Variants in SUSD1 observed in about 807,000 individuals in gnomAD.
SUSD1 encodes sushi domain-containing protein 1.
In SUSD1, 65 loss-of-function variants were observed where a neutral mutation model predicts 86.9. The observed-to-expected ratio is 0.75, with a 90% confidence interval of 0.61 to 0.92. The LOEUF is 0.92. SUSD1 is among the 40% of genes least tolerant of loss of function. The probability of loss-of-function intolerance (pLI) is 0.00; values close to 1 mark genes in which losing one functional copy is unlikely to be tolerated. For synonymous variants in SUSD1, 346 were observed against 350.0 expected (o/e 0.99, Z 0.13); for missense variants, 850 against 929.7 (o/e 0.91, Z 1.11).
chr9:112,123,005 T>A (rs1831615146), intron 6 of SUSD1, among the ~76,000 whole-genome samples: 1 of 152,176 alleles, frequency 6.6e-6, no homozygotes, highest in Non-Finnish European at 1.5e-5. Context: ...AGTTTCAGTT[T>A]TGCAAGATGA....
At chr9:112,110,405 T>C (rs1831040421) in intron 8 of SUSD1, among the ~76,000 whole-genome samples, 2 of 151,918 alleles carry the variant, frequency 1.3e-5, no homozygotes, top group Admixed American at 6.5e-5. Flanking sequence ...GGGTTTTTTG[T>C]TTGTTTTCTG....
At chr9:112,095,053 G>A (rs966559388) in intron 10 of SUSD1, among the ~76,000 whole-genome samples, 5 of 152,276 alleles carry the variant, frequency 3.3e-5, no homozygotes, top group Middle Eastern at 3.4e-3. Flanking sequence ...GGTTTAGGCC[G>A]AACTGAATAG....
chr9:112,161,768 G>A (rs1432985795), intron 1 of SUSD1, among the ~76,000 whole-genome samples: 1 of 148,902 alleles, frequency 6.7e-6, no homozygotes, highest in Non-Finnish European at 1.5e-5. Flanking sequence ...GTTGCAGTGA[G>A]CTGAGATTGT....
intron 10 of SUSD1, among the ~76,000 whole-genome samples, chr9:112,085,767 A>G (rs1829949327): frequency 6.6e-6 from 1 of 152,206 alleles, no homozygotes; most frequent in Non-Finnish European, 1.5e-5. Context: ...ATTACCGATC[A>G]GAGTTCCAAT....
chr9:112,165,910 G>GAA, intron 1 of SUSD1, among the ~76,000 whole-genome samples: 1 of 55,378 alleles, frequency 1.8e-5, no homozygotes, highest in East Asian at 4.6e-4. Flanking sequence ...AGGAAGGAAG[G>GAA]AAGGAAGAAA....
In SUSD1 at chr9:112,080,179, G is replaced by T. The variant is rs1274689774; in HGVS notation, c.1475-14C>A. 3 of 1,577,978 alleles carry T rather than the reference G, an allele frequency of 1.9e-6. No homozygotes were observed. The highest frequency in any genetic ancestry group is 3.3e-5 in the Admixed American group (2 of 59,802). ...TGGTCTGTTTTACTGTAGTGGAAAA[G>T]AAATGAGAAATCAATTTACACTCTA... On this transcript the variant is annotated splice_polypyrimidine_tract_variant and intron_variant, in intron 10 of 16. Coordinates refer to ENST00000374270, the MANE Select transcript of SUSD1 (RefSeq NM_022486.5).
intron 5 of SUSD1, among the ~76,000 whole-genome samples, chr9:112,141,362 T>C (rs908307535): frequency 6.6e-6 from 1 of 152,180 alleles, no homozygotes; most frequent in South Asian, 2.1e-4. Flanking sequence ...CACAGTGCCA[T>C]ATGAGTAGAC....
At chr9:112,132,436 A>G (rs992781296) in intron 5 of SUSD1, among the ~76,000 whole-genome samples, 2 of 152,218 alleles carry the variant, frequency 1.3e-5, no homozygotes, top group African/African-American at 4.8e-5. Flanking sequence ...AGTGCTAAAA[A>G]CTGAAGAAAA....
intron 1 of SUSD1, among the ~76,000 whole-genome samples, chr9:112,171,328 G>T (rs958907653): frequency 1.3e-5 from 2 of 152,004 alleles, no homozygotes; most frequent in African/African-American, 2.4e-5. Context: ...AAGTGATGAT[G>T]GCTGACTCCC....
intron 1 of SUSD1, among the ~76,000 whole-genome samples, chr9:112,165,942 G>GAAGAAAGAAAGAAAGGAAGA (rs369416007): frequency 1.1e-3 from 81 of 71,952 alleles, no homozygotes; most frequent in African/African-American, 4.3e-3. Flanking sequence ...AAGAAAGAAA[G>GAAGAAAGAAAGAAAGGAAGA]AAGAAAGAAA....
At chr9:112,143,846 G>A (rs1259218565) in intron 3 of SUSD1, among the ~76,000 whole-genome samples, 1 of 152,134 alleles carries the variant, frequency 6.6e-6, no homozygotes, top group Non-Finnish European at 1.5e-5. Flanking sequence ...CTCAATAAAT[G>A]TTTGTCAGTG....
intron 6 of SUSD1, among the ~76,000 whole-genome samples, chr9:112,121,047 G>A (rs1831534322): frequency 6.6e-6 from 1 of 152,214 alleles, no homozygotes; most frequent in South Asian, 2.1e-4. Flanking sequence ...ATAGGTTGGA[G>A]TGACCATCAG....
At chr9:112,137,007 G>A (rs1431615511) in intron 5 of SUSD1, among the ~76,000 whole-genome samples, 6 of 152,116 alleles carry the variant, frequency 3.9e-5, no homozygotes, top group Non-Finnish European at 7.3e-5. Flanking sequence ...CACACTGACT[G>A]GGGCTGCCTT....
intron 9 of SUSD1, among the ~76,000 whole-genome samples, chr9:112,099,082 T>C (rs1036063228): frequency 2.6e-5 from 4 of 151,340 alleles, no homozygotes; most frequent in Non-Finnish European, 5.9e-5. Flanking sequence ...CAGGGTCTTG[T>C]TCTGTCACCC....
At chr9:112,172,928 A>T (rs1564363784) in intron 1 of SUSD1, among the ~76,000 whole-genome samples, 1 of 152,174 alleles carries the variant, frequency 6.6e-6, no homozygotes, top group Non-Finnish European at 1.5e-5. Context: ...ATGAAGGGAG[A>T]ATGTCTAGAT....
At chr9:112,116,982 A>T (rs1831352823) in intron 6 of SUSD1, among the ~76,000 whole-genome samples, 1 of 152,132 alleles carries the variant, frequency 6.6e-6, no homozygotes, top group African/African-American at 2.4e-5. Flanking sequence ...TCTACTAAAA[A>T]TAGAGAAATT....
chr9:112,081,491 C>T (rs1829766141), intron 10 of SUSD1, among the ~76,000 whole-genome samples: 1 of 152,168 alleles, frequency 6.6e-6, no homozygotes, highest in African/African-American at 2.4e-5. Context: ...TTAATGCAGA[C>T]CCACAGCTGG....
intron 2 of SUSD1, among the ~76,000 whole-genome samples, chr9:112,156,331 A>G (rs185965111): frequency 0.018 from 2,765 of 151,976 alleles, 37 homozygotes; most frequent in Non-Finnish European, 0.029. Flanking sequence ...GCATGGTGGC[A>G]CATACCTGTA....
rs146060735 is a variant in SUSD1, at chr9:112,067,810, C to A, written c.1754-4777G>T. On this transcript the variant is annotated intron_variant, in intron 12 of 16. Coordinates refer to ENST00000374270, the MANE Select transcript of SUSD1 (RefSeq NM_022486.5). Reference sequence around the variant, plus strand: ...AAAACATATGTATGAATGCCTCCCCCCCAATCCCCCCACCCTAGCCCTAAA... The same window carrying A: ...AAAACATATGTATGAATGCCTCCCCACCAATCCCCCCACCCTAGCCCTAAA... 1.1e-4 allele frequency among the ~76,000 whole-genome samples: 17 copies of A among 152,158 alleles called. No individual in the cohort carries two copies. The South Asian group carries it at 1.5e-3, about 13-fold the overall frequency.
Sources: gnomAD v4.1 joint callset for allele counts (sites outside exome capture counted in the v4.1 genomes callset) on GRCh38, gnomAD v4.1.1 for gene constraint, MANE v1.5 for transcripts, NCBI Gene and HGNC (gene_info 2026-07-23, HGNC 2026-07-21) for gene names.